The following DMD variants were observed in gnomAD, a reference collection of about 807,000 sequenced individuals.
The protein encoded by DMD is mutant dystrophin.
Under a neutral mutation model 330.1 loss-of-function variants are expected in DMD, and 63 were observed. That is an observed-to-expected ratio of 0.19 (90% CI 0.16 to 0.24). The LOEUF (loss-of-function observed/expected upper bound fraction) is 0.24, where lower values mean the gene tolerates loss of function less well. Ranked by LOEUF, DMD falls within the 10% of genes least tolerant of loss-of-function variation. The pLI is 1.00. For missense variants in DMD, 3,344 were observed against 2,684.1 expected, an observed-to-expected ratio of 1.25 and a Z score of -5.43; for synonymous variants, 1,223 against 959.8, an observed-to-expected ratio of 1.27 and a Z score of -5.07.
At chrX:32,315,431 G>A (rs751856911) in intron 41 of DMD, among the ~76,000 whole-genome samples, 2 of 110,359 alleles carry the variant, frequency 1.8e-5, no homozygotes, top group Non-Finnish European at 3.8e-5. Context: ...AGGTTGATGG[G>A]TGCAGCAAAC....
chrX:32,703,723 G>A (rs745634977), intron 7 of DMD, among the ~76,000 whole-genome samples: 8 of 111,674 alleles, frequency 7.2e-5, no homozygotes, highest in Non-Finnish European at 1.1e-4. Context: ...ACAGAGGACA[G>A]TTAAAGTCAT....
intron 2 of DMD, among the ~76,000 whole-genome samples, chrX:32,994,727 A>T (rs970087322): frequency 1.8e-5 from 2 of 111,930 alleles, no homozygotes; most frequent in African/African-American, 6.5e-5. Flanking sequence ...GAGGTGATAG[A>T]TATGTTAATT....
chrX:32,288,540 C>T (rs772249248), intron 42 of DMD, among the ~76,000 whole-genome samples: 16 of 111,555 alleles, frequency 1.4e-4, no homozygotes, highest in South Asian at 1.1e-3. Flanking sequence ...CCGCTCTTTC[C>T]CCCCTACTGG....
chrX:32,817,467 T>G (rs2077857982), intron 5 of DMD, among the ~76,000 whole-genome samples: 1 of 112,094 alleles, frequency 8.9e-6, no homozygotes, highest in African/African-American at 3.2e-5. Context: ...TCTAAGCATT[T>G]TTTCTAAGTT....
In DMD at chrX:32,763,290, C is replaced by A. The variant is rs1470693954; in HGVS notation, c.649+46203G>T. 3.6e-5 allele frequency among the ~76,000 whole-genome samples: 4 copies of A among 111,789 alleles called. No individual in the cohort carries two copies. In the East Asian group the frequency reaches 1.1e-3, roughly 31 times the overall value. On this transcript the variant is annotated intron_variant, in intron 7 of 78. Coordinates refer to ENST00000357033, the MANE Select transcript of DMD (RefSeq NM_004006.3). ...TCATTTTAATGTTATTAAATATTAT[C>A]TCAGGATCTTGAAGTCTATTGGATT...
At chrX:32,952,113 C>A (rs113550836) in intron 2 of DMD, among the ~76,000 whole-genome samples, 1 of 109,583 alleles carries the variant, frequency 9.1e-6, no homozygotes, top group Non-Finnish European at 1.9e-5. Flanking sequence ...TGAATGCCAG[C>A]ATTTGTTCAG....
intron 1 of DMD, among the ~76,000 whole-genome samples, chrX:33,295,809 T>C (rs924169241): frequency 9.0e-6 from 1 of 111,077 alleles, no homozygotes; most frequent in Non-Finnish European, 1.9e-5. Context: ...TATTGACTAC[T>C]CCCTATCAGT....
chrX:32,156,185 T>A (rs398124024), intron 44 of DMD, among the ~76,000 whole-genome samples: 103 of 111,785 alleles, frequency 9.2e-4, no homozygotes, highest in Middle Eastern at 4.7e-3. Flanking sequence ...ATCGAGACTG[T>A]CCTGGCCAAC....
intron 27 of DMD, among the ~76,000 whole-genome samples, chrX:32,447,710 T>C (rs1377766685): frequency 1.8e-5 from 2 of 111,869 alleles, no homozygotes; most frequent in Non-Finnish European, 1.9e-5. Flanking sequence ...GTCCAACTCA[T>C]GTGCAATGTC....
chrX:31,967,354 GTTT>G, intron 45 of DMD, among the ~76,000 whole-genome samples: 1 of 86,280 alleles, frequency 1.2e-5, no homozygotes, highest in South Asian at 5.2e-4. Flanking sequence ...GTGTGTGTGT[GTTT>G]AGGTCAACTA....
chrX:31,950,180 C>G (rs1281940218), intron 45 of DMD, among the ~76,000 whole-genome samples: 4 of 111,279 alleles, frequency 3.6e-5, no homozygotes, highest in Non-Finnish European at 7.6e-5. Context: ...TCCTATAAAT[C>G]TTGACATGTT....
rs1471823127 is a variant in DMD at position 32,128,572 on chromosome X, A to G, written c.6438+88344T>C. 4.5e-5 allele frequency among the ~76,000 whole-genome samples: 5 copies of G among 112,013 alleles called. No individual in the cohort carries two copies. The East Asian group carries it at 1.4e-3, about 31-fold the overall frequency. On this transcript the variant is annotated intron_variant, in intron 44 of 78. Transcript: ENST00000357033. ...ATAGCGTTTTATGGTGACTTTTTCA[A>G]AATAACTACATCATTCAAAACTATT...
intron 17 of DMD, among the ~76,000 whole-genome samples, chrX:32,544,821 T>A (rs1200871029): frequency 9.4e-6 from 1 of 105,889 alleles, no homozygotes; most frequent in Non-Finnish European, 1.9e-5. Context: ...AACTAGGGAC[T>A]CAACAAGCAG....
chrX:31,713,187 G>C (rs1363143423), intron 52 of DMD, among the ~76,000 whole-genome samples: 1 of 111,573 alleles, frequency 9.0e-6, no homozygotes, highest in Non-Finnish European at 1.9e-5. Context: ...TCACTTCTGG[G>C]GTTTCACGGA....
chrX:31,175,039 T>C (rs1300306774), intron 71 of DMD, among the ~76,000 whole-genome samples: 1 of 112,060 alleles, frequency 8.9e-6, no homozygotes, highest in Non-Finnish European at 1.9e-5. Flanking sequence ...GGAGAGTTAA[T>C]CTGTTAATCT....
At chrX:31,842,819 A>C (rs1603486254) in intron 48 of DMD, among the ~76,000 whole-genome samples, 1 of 111,593 alleles carries the variant, frequency 9.0e-6, no homozygotes, top group Admixed American at 9.5e-5. Flanking sequence ...GGATCCTGTC[A>C]CTGAGATAGT....
rs758951488 is a variant in DMD at position 32,496,150 on chromosome X, T to G, written c.2381-4632A>C. 9.1e-4 allele frequency among the ~76,000 whole-genome samples: 102 copies of G among 112,118 alleles called. 1 individual carries two copies. The highest frequency in any genetic ancestry group is 1.6e-3 in the Non-Finnish European group (85 of 53,236). ...ATGCAAGTACTTCAGAACTGCCACTTAAAGTGAAGTATTCCTCATCAAGTA... is the reference window on the plus strand; with the variant it reads ...ATGCAAGTACTTCAGAACTGCCACTGAAAGTGAAGTATTCCTCATCAAGTA... On this transcript the variant is annotated intron_variant, in intron 19 of 78. Coordinates refer to ENST00000357033, the MANE Select transcript of DMD (RefSeq NM_004006.3).
chrX:31,571,295 A>G (rs200800413), intron 55 of DMD, among the ~76,000 whole-genome samples: 9 of 71,221 alleles, frequency 1.3e-4, no homozygotes, highest in African/African-American at 5.6e-4. Context: ...GTGTGTGTGT[A>G]TAGAAAACAG....
At chrX:32,655,436 A>C (rs1186186400) in intron 9 of DMD, among the ~76,000 whole-genome samples, 1 of 112,143 alleles carries the variant, frequency 8.9e-6, no homozygotes, top group Non-Finnish European at 1.9e-5. Context: ...GTTTCCATGT[A>C]GTTGAGTGGT....
Sources: gnomAD v4.1 joint callset for allele counts (sites outside exome capture counted in the v4.1 genomes callset) on GRCh38, gnomAD v4.1.1 for gene constraint, MANE v1.5 for transcripts, NCBI Gene and HGNC (gene_info 2026-07-23, HGNC 2026-07-21) for gene names.